The following ZNF727 variants were observed in gnomAD, a reference collection of about 807,000 sequenced individuals.
ZNF727 encodes zinc finger protein 727.
In ZNF727, 11 loss-of-function variants were observed where a neutral mutation model predicts 11.5. The ratio of observed to expected loss-of-function variants is 0.95; its 90% confidence interval spans 0.60 to 1.58. ZNF727 has a LOEUF of 1.58. Among genes scored for constraint, ZNF727 ranks in the 40% most tolerant of loss-of-function variants. The probability of loss-of-function intolerance (pLI) is 0.00; values close to 1 mark genes in which losing one functional copy is unlikely to be tolerated. For missense variants in ZNF727, 533 were observed against 581.7 expected, an observed-to-expected ratio of 0.92 and a Z score of 0.86; for synonymous variants, 171 against 196.1, an observed-to-expected ratio of 0.87 and a Z score of 1.07.
At chr7:64,053,240 T>C (rs184124281) in intron 1 of ZNF727, among the ~76,000 whole-genome samples, 115 of 152,298 alleles carry the variant, frequency 7.6e-4, no homozygotes, top group African/African-American at 2.6e-3. Context: ...AATTGAATCA[T>C]GGGAGCAAGT....
intron 1 of ZNF727, among the ~76,000 whole-genome samples, chr7:64,062,545 C>A (rs1170784482): frequency 1.3e-5 from 2 of 151,558 alleles, no homozygotes; most frequent in Admixed American, 1.3e-4. Flanking sequence ...CATATTGGTG[C>A]TTGTTTGAAT....
At chr7:64,071,056 A>T (rs2116317150) in intron 3 of ZNF727, among the ~76,000 whole-genome samples, 1 of 152,108 alleles carries the variant, frequency 6.6e-6, no homozygotes, top group African/African-American at 2.4e-5. Flanking sequence ...GTATCTTGAC[A>T]ATTGTGAAAA....
rs368620540 is a variant in ZNF727 at position 64,079,078 on chromosome 7, C to A, written c.*529C>A. Reference sequence around the variant, plus strand: ...ATATGGAAGAGGGACCTTACAAATGCGAAGAATGTGGCAAAACCTTTATGT... The same window carrying A: ...ATATGGAAGAGGGACCTTACAAATGAGAAGAATGTGGCAAAACCTTTATGT... On this transcript the variant is annotated 3_prime_UTR_variant, in exon 4 of 4. Transcript: ENST00000456806. Among the ~76,000 whole-genome samples the A allele has an allele frequency of 2.0e-5, 3 of 151,434 alleles. No individual in the cohort carries two copies. The highest frequency in any genetic ancestry group is 2.0e-4 in the Admixed American group (3 of 15,206).
intron 1 of ZNF727, among the ~76,000 whole-genome samples, chr7:64,064,373 G>A (rs558818365): frequency 6.6e-6 from 1 of 152,280 alleles, no homozygotes; most frequent in East Asian, 1.9e-4. Context: ...CCCAGGGTAT[G>A]TCTAGAACTG....
rs897683557 is a variant in ZNF727 at position 64,080,010 on chromosome 7, A to G, written c.*1461A>G. Among the ~76,000 whole-genome samples the G allele has an allele frequency of 7.9e-5, 12 of 152,198 alleles. No individual in the cohort carries two copies. Among genetic ancestry groups the G allele is most frequent in the African/African-American group, 2.4e-4 (10 of 41,462 alleles). On this transcript the variant is annotated 3_prime_UTR_variant, in exon 4 of 4. Transcript: ENST00000456806. Reference sequence around the variant, plus strand: ...AATCTCTTTTGACTTGAGGGATCTCAGCTGCAAGGTTCATTGTTGTCTGAG... The same window carrying G: ...AATCTCTTTTGACTTGAGGGATCTCGGCTGCAAGGTTCATTGTTGTCTGAG...
intron 1 of ZNF727, among the ~76,000 whole-genome samples, chr7:64,055,467 T>G (rs1389441725): frequency 1.3e-5 from 2 of 152,206 alleles, no homozygotes; most frequent in African/African-American, 2.4e-5. Context: ...CACACTGTTT[T>G]GCAACCATAA....
chr7:64,077,498 G>T lies in ZNF727; in HGVS notation c.449G>T (p.Cys150Phe), dbSNP rs1479657500. The change falls in exon 4 of 4, where the codon TGT (cysteine) becomes TTT (phenylalanine). Residue 150 changes from cysteine (C) to phenylalanine (F), a missense_variant. By Grantham distance (205) the Cys-to-Phe change is radical. This residue lies in a region of ZNF727 where 463 missense variants were observed against 494.5 expected (regional missense o/e 0.94). Coordinates refer to ENST00000456806, the MANE Select transcript of ZNF727 (RefSeq NM_001159522.3). ...TRSKTCQYNK[C>F]GKAFGLCSIF... ...AGCAAAACCTGTCAATATAATAAAT[G>T]TGGCAAAGCTTTTGGGTTGTGCTCA... is the stretch of plus-strand genomic sequence containing the variant. 1 of 1,551,490 alleles carries T rather than the reference G, an allele frequency of 6.4e-7. No homozygotes were observed. Among genetic ancestry groups the T allele is most frequent in the African/African-American group, 1.4e-5 (1 of 73,046 alleles).
rs181256906 is a variant in ZNF727 at position 64,079,764 on chromosome 7, G to T, written c.*1215G>T. Reference sequence around the variant, plus strand: ...GGTGGCTTTATCATGTCAGTGGTTTGTGTACTTTAGTGTGTTTTTGTAGTG... The same window carrying T: ...GGTGGCTTTATCATGTCAGTGGTTTTTGTACTTTAGTGTGTTTTTGTAGTG... On this transcript the variant is annotated 3_prime_UTR_variant, in exon 4 of 4. Transcript: ENST00000456806. Among the ~76,000 whole-genome samples the T allele has an allele frequency of 6.6e-6, 1 of 152,204 alleles. No homozygotes were observed. Among genetic ancestry groups the T allele is most frequent in the East Asian group, 1.9e-4 (1 of 5,176 alleles).
In ZNF727 at chr7:64,053,607, C is replaced by T. The variant is rs546017463; in HGVS notation, c.3+7983C>T. On this transcript the variant is annotated intron_variant, in intron 1 of 3. Coordinates refer to ENST00000456806, the MANE Select transcript of ZNF727 (RefSeq NM_001159522.3). ...GTGCTGGGATTACAGGCGTGAGCCA[C>T]TGCACTGGGCTGAGATCTGATAGTT... is the stretch of plus-strand genomic sequence containing the variant. 9.1e-4 allele frequency among the ~76,000 whole-genome samples: 138 copies of T among 152,166 alleles called. 1 individual carries two copies. The highest frequency in any genetic ancestry group is 3.1e-3 in the African/African-American group (128 of 41,552).
chr7:64,073,457 C>G (rs933987149), intron 3 of ZNF727, among the ~76,000 whole-genome samples: 1 of 147,652 alleles, frequency 6.8e-6, no homozygotes, highest in Non-Finnish European at 1.5e-5. Context: ...TCTTTTTTTT[C>G]TTTGTTCTAT....
rs939968406 is a variant in ZNF727, at chr7:64,083,095, G to A, written c.*4546G>A. 2.0e-5 allele frequency among the ~76,000 whole-genome samples: 3 copies of A among 152,208 alleles called. No homozygotes were observed. Among genetic ancestry groups the A allele is most frequent in the African/African-American group, 7.2e-5 (3 of 41,456 alleles). Reference sequence around the variant, plus strand: ...AAACTCCACTGATCAAAGAGCACCTGTGGTGGTAGCTGGAGACCCTGGTTG... The same window carrying A: ...AAACTCCACTGATCAAAGAGCACCTATGGTGGTAGCTGGAGACCCTGGTTG... On this transcript the variant is annotated 3_prime_UTR_variant, in exon 4 of 4. Coordinates refer to ENST00000456806, the MANE Select transcript of ZNF727 (RefSeq NM_001159522.3).
At chr7:64,077,153 G>GTC in intron 3 of ZNF727, 123 bp from the exon 4 acceptor site, 2 of 991,974 alleles carry the variant, frequency 2.0e-6, no homozygotes, top group Non-Finnish European at 2.9e-6. Flanking sequence ...TATAAAGGAA[G>GTC]TAGAGCCTGT....
intron 1 of ZNF727, among the ~76,000 whole-genome samples, chr7:64,058,702 G>C (rs1789723790): frequency 6.6e-6 from 1 of 152,272 alleles, no homozygotes; most frequent in Admixed American, 6.5e-5. Context: ...CAAAATTTAA[G>C]CTGTTTGATA....
chr7:64,075,654 C>A lies in ZNF727; in HGVS notation c.227-1622C>A, dbSNP rs118027271. On this transcript the variant is annotated intron_variant, in intron 3 of 3. Transcript: ENST00000456806. ...AACAGAAAGCCAAATACTACATGTT[C>A]TTACTTACAAGTGAGAGCTAAATAT... is the stretch of plus-strand genomic sequence containing the variant. 1.2e-3 allele frequency among the ~76,000 whole-genome samples: 186 copies of A among 152,130 alleles called. 3 individuals are homozygous for A. The East Asian group carries it at 0.034, about 27-fold the overall frequency.
intron 1 of ZNF727, among the ~76,000 whole-genome samples, chr7:64,061,564 C>T (rs1284143451): frequency 1.3e-5 from 2 of 149,964 alleles, no homozygotes; most frequent in Non-Finnish European, 3.0e-5. Context: ...CTTTCTGTGT[C>T]TTTATTGGTG....
chr7:64,071,548 T>C (rs889297272), intron 3 of ZNF727, among the ~76,000 whole-genome samples: 20 of 152,128 alleles, frequency 1.3e-4, no homozygotes, highest in African/African-American at 4.8e-4. Flanking sequence ...TTATCGGATA[T>C]GGTTTTCTTA....
Position 64,084,676 on chromosome 7 carries a change from C to G in ZNF727, c.*6127C>G, listed in dbSNP as rs997602555. On this transcript the variant is annotated 3_prime_UTR_variant, in exon 4 of 4. Transcript: ENST00000456806. ...TGAACAACTATTTACAAAATTTTAT[C>G]CTACTTTTTTCTGTTGAAAATATGA... is the stretch of plus-strand genomic sequence containing the variant. Among the ~76,000 whole-genome samples the G allele has an allele frequency of 1.3e-5, 2 of 152,226 alleles. No homozygotes were observed. The highest frequency in any genetic ancestry group is 4.8e-5 in the African/African-American group (2 of 41,552).
At chr7:64,053,065 G>A (rs1789627061) in intron 1 of ZNF727, among the ~76,000 whole-genome samples, 1 of 152,130 alleles carries the variant, frequency 6.6e-6, no homozygotes, top group Admixed American at 6.5e-5. Context: ...AGTTAATGCT[G>A]AAATTAGTTG....
At chr7:64,055,835 T>C (rs1418738269) in intron 1 of ZNF727, among the ~76,000 whole-genome samples, 1 of 152,256 alleles carries the variant, frequency 6.6e-6, no homozygotes, top group Non-Finnish European at 1.5e-5. Flanking sequence ...CGAATATTTC[T>C]TCAATCCCCT....
Sources: allele counts gnomAD v4.1 joint callset (sites outside exome capture counted in the v4.1 genomes callset), GRCh38; gene constraint gnomAD v4.1.1; regional missense constraint gnomAD v4.1.1; transcripts MANE v1.5; gene names NCBI Gene and HGNC (gene_info 2026-07-23, HGNC 2026-07-21).